Variants in ZDHHC15 observed in about 807,000 individuals in gnomAD.
ZDHHC15 encodes the protein zDHHC palmitoyltransferase 15.
In ZDHHC15, 19 loss-of-function variants were observed where a neutral mutation model predicts 31.7. That is an observed-to-expected ratio of 0.60 (90% CI 0.42 to 0.88). ZDHHC15 has a LOEUF of 0.88. ZDHHC15 is among the 40% of genes least tolerant of loss of function. ZDHHC15 has a pLI of 0.00. For missense variants in ZDHHC15, 209 were observed against 251.2 expected, an observed-to-expected ratio of 0.83 and a Z score of 1.14; for synonymous variants, 103 against 90.0, an observed-to-expected ratio of 1.14 and a Z score of -0.82.
intron 10 of ZDHHC15, 46 bp downstream of exon 10, chrX:75,417,041 C>T (rs1209713556): frequency 3.0e-6 from 3 of 1,008,436 alleles, no homozygotes; most frequent in Admixed American, 2.3e-5. Flanking sequence ...CACCACATTA[C>T]ATTGGTTGTA....
intron 3 of ZDHHC15, among the ~76,000 whole-genome samples, chrX:75,468,564 A>G (rs1422839407): frequency 9.0e-6 from 1 of 111,651 alleles, no homozygotes. Flanking sequence ...CCTGTTTTCA[A>G]TTATTTTGGG....
intron 3 of ZDHHC15, among the ~76,000 whole-genome samples, chrX:75,469,510 A>G (rs933787100): frequency 8.9e-6 from 1 of 111,931 alleles, no homozygotes; most frequent in Non-Finnish European, 1.9e-5. Flanking sequence ...TTACTGGTTT[A>G]TTTCACTTAG....
At chrX:75,471,007 A>G (rs909493865) in intron 3 of ZDHHC15, among the ~76,000 whole-genome samples, 2 of 112,292 alleles carry the variant, frequency 1.8e-5, no homozygotes, top group Non-Finnish European at 3.8e-5. Flanking sequence ...ATTTGGCCTG[A>G]ACAGAAAACA....
rs2147737074 is a variant in ZDHHC15, at chrX:75,369,360, T to C, written c.*3618A>G. 1 of 111,087 alleles carries C rather than the reference T, an allele frequency of 9.0e-6. No individual in the cohort carries two copies. Among genetic ancestry groups the C allele is most frequent in the Admixed American group, 9.7e-5 (1 of 10,360 alleles). The allele number at this position is 111,087 out of a possible 1,213,427, so 9.2% of individuals were successfully genotyped here. A position where few individuals can be genotyped will look rare whatever the true frequency, so the allele number is the denominator to read the frequency against. On this transcript the variant is annotated 3_prime_UTR_variant, in exon 12 of 12. Transcript: ENST00000373367. The stretch of plus-strand genomic sequence containing the variant: ...GTGTGTGTGTGTACATGTGCATACA[T>C]GTATGTAGATATGTGTGATGAGAGG...
chrX:75,421,613 T>A (rs1231882074), intron 9 of ZDHHC15, among the ~76,000 whole-genome samples: 1 of 100,005 alleles, frequency 1.0e-5, no homozygotes, highest in Non-Finnish European at 2.0e-5. Context: ...TTAAATTTTT[T>A]GATAGATATT....
At chrX:75,423,546 G>A (rs752635153) in intron 8 of ZDHHC15, among the ~76,000 whole-genome samples, 21 of 102,780 alleles carry the variant, frequency 2.0e-4, no homozygotes, top group African/African-American at 5.4e-4. Context: ...TTATGGCTGC[G>A]TAGCATTCCA....
At chrX:75,469,655 T>C (rs2084470973) in intron 3 of ZDHHC15, among the ~76,000 whole-genome samples, 1 of 112,147 alleles carries the variant, frequency 8.9e-6, no homozygotes, top group Non-Finnish European at 1.9e-5. Context: ...TTCCACCTTT[T>C]GGCTATTGTG....
chrX:75,437,837 T>G (rs2083884459), intron 4 of ZDHHC15, among the ~76,000 whole-genome samples: 1 of 111,114 alleles, frequency 9.0e-6, no homozygotes, highest in Non-Finnish European at 1.9e-5. Context: ...GTATTTCTAG[T>G]TCTAGATCTC....
intron 10 of ZDHHC15, among the ~76,000 whole-genome samples, chrX:75,400,427 A>G (rs1200264708): frequency 3.6e-5 from 4 of 112,139 alleles, no homozygotes; most frequent in Admixed American, 2.8e-4. Context: ...AGAGAAAAAT[A>G]AAGAAAAAAG....
chrX:75,505,915 A>T, intron 1 of ZDHHC15, 68 bp from the exon 2 acceptor site: 1 of 918,684 alleles, frequency 1.1e-6, no homozygotes, highest in Non-Finnish European at 1.6e-6. Context: ...GAGAGAGAGA[A>T]ATTAGTTATA....
chrX:75,395,574 T>C (rs1053642453), intron 10 of ZDHHC15, among the ~76,000 whole-genome samples: 2 of 112,031 alleles, frequency 1.8e-5, no homozygotes, highest in Admixed American at 1.9e-4. Context: ...AGATATTCCA[T>C]GTTCATGATT....
chrX:75,466,380 G>T (rs1423195334), intron 3 of ZDHHC15, among the ~76,000 whole-genome samples: 4 of 111,330 alleles, frequency 3.6e-5, no homozygotes, highest in African/African-American at 1.3e-4. Context: ...AAGATAGTGT[G>T]GCAATTCCTT....
chrX:75,401,741 G>A (rs995429385), intron 10 of ZDHHC15, among the ~76,000 whole-genome samples: 2 of 111,760 alleles, frequency 1.8e-5, no homozygotes, highest in African/African-American at 6.5e-5. Context: ...GATTCATAAA[G>A]CAAGTTCTTA....
At chrX:75,418,619 T>TGAAGACAG (rs2083577572) in intron 9 of ZDHHC15, among the ~76,000 whole-genome samples, 1 of 111,826 alleles carries the variant, frequency 8.9e-6, no homozygotes, top group African/African-American at 3.3e-5. Flanking sequence ...AAGACAGATA[T>TGAAGACAG]ATAGGCCAAT....
intron 10 of ZDHHC15, among the ~76,000 whole-genome samples, chrX:75,395,551 C>G (rs1569308988): frequency 9.0e-6 from 1 of 110,956 alleles, no homozygotes; most frequent in Non-Finnish European, 1.9e-5. Context: ...GAATAGGAAG[C>G]AAAAAAATAG....
At position 75,382,332 on chromosome X, in the gene ZDHHC15, T is replaced by C. The variant is rs746072174; in HGVS notation, c.968-3134A>G. Among the ~76,000 whole-genome samples, 289 of 112,484 alleles carry C rather than the reference T, an allele frequency of 2.6e-3. 1 individual carries two copies. Among genetic ancestry groups the C allele is most frequent in the Non-Finnish European group, 4.7e-3 (253 of 53,277 alleles). The stretch of plus-strand genomic sequence containing the variant: ...GGGTTTGACAACAAAGGTAAAGGAA[T>C]AAAATGAACATCCATGATATTACTG... On this transcript the variant is annotated intron_variant, in intron 10 of 11. Transcript: ENST00000373367.
intron 4 of ZDHHC15, among the ~76,000 whole-genome samples, chrX:75,437,418 C>T (rs1407616656): frequency 1.5e-4 from 12 of 82,401 alleles, no homozygotes; most frequent in Non-Finnish European, 2.8e-4. Flanking sequence ...GTATATCTCC[C>T]AATGCTATCC....
At position 75,490,210 on chromosome X, in the gene ZDHHC15, C is replaced by T. The variant is rs2084857462; in HGVS notation, c.164-11225G>A. ...AACTTCCCCAACCTAGCAAGGCAGG[C>T]CAACATTCAAATTCAGGAAATACAG... is the stretch of plus-strand genomic sequence containing the variant. On this transcript the variant is annotated intron_variant, in intron 2 of 11. Transcript: ENST00000373367. Among the ~76,000 whole-genome samples the T allele has an allele frequency of 2.7e-5, 3 of 111,400 alleles. No homozygotes were observed. In the South Asian group the frequency reaches 1.1e-3, roughly 43 times the overall value.
chrX:75,484,548 A>T (rs1464198473), intron 2 of ZDHHC15, among the ~76,000 whole-genome samples: 2 of 111,973 alleles, frequency 1.8e-5, no homozygotes, highest in East Asian at 2.8e-4. Context: ...ACCACCAACA[A>T]AAACAAACTT....
Sources: allele counts gnomAD v4.1 joint callset (sites outside exome capture counted in the v4.1 genomes callset), GRCh38; gene constraint gnomAD v4.1.1; transcripts MANE v1.5; gene names NCBI Gene and HGNC (gene_info 2026-07-23, HGNC 2026-07-21).